MEI4: variants seen among roughly 807,000 people sequenced by gnomAD.
The protein encoded by MEI4 is meiosis-specific protein MEI4.
A neutral mutation model predicts 31.4 loss-of-function variants in MEI4; 27 were observed. The ratio of observed to expected loss-of-function variants is 0.86; its 90% confidence interval spans 0.63 to 1.19. The LOEUF (loss-of-function observed/expected upper bound fraction) is 1.19. MEI4 is among the 50% of genes most tolerant of loss of function. The pLI is 0.00. For missense variants in MEI4, 329 were observed against 398.9 expected (o/e 0.82, Z 1.49); for synonymous variants, 122 against 145.4 (o/e 0.84, Z 1.16).
At chr6:77,916,919 C>T (rs193212561) in intron 4 of MEI4, among the ~76,000 whole-genome samples, 6 of 150,594 alleles carry the variant, frequency 4.0e-5, no homozygotes, top group Non-Finnish European at 8.9e-5. Context: ...TCCCTCCCCC[C>T]CTACCCCCAC....
intron 3 of MEI4, among the ~76,000 whole-genome samples, chr6:77,794,660 A>G (rs1255072663): frequency 6.6e-6 from 1 of 152,176 alleles, no homozygotes; most frequent in Non-Finnish European, 1.5e-5. Flanking sequence ...CAATAATAGT[A>G]AGGGGCATCA....
At chr6:77,866,366 G>A (rs534381679) in intron 4 of MEI4, among the ~76,000 whole-genome samples, 11 of 152,160 alleles carry the variant, frequency 7.2e-5, no homozygotes, top group African/African-American at 1.2e-4. Flanking sequence ...TAAGCTGATA[G>A]GCAACTTCAG....
intron 3 of MEI4, among the ~76,000 whole-genome samples, chr6:77,794,988 A>T (rs984478248): frequency 3.9e-5 from 6 of 152,214 alleles, no homozygotes; most frequent in South Asian, 4.1e-4. Flanking sequence ...TGAATAAAAG[A>T]AGAAATAAAA....
chr6:77,888,737 T>C (rs1771684350), intron 4 of MEI4, among the ~76,000 whole-genome samples: 1 of 152,188 alleles, frequency 6.6e-6, no homozygotes, highest in Non-Finnish European at 1.5e-5. Flanking sequence ...TGAGATTTGA[T>C]ACTAATATGG....
In MEI4 at chr6:77,923,539, C is replaced by T. The variant is rs1766762639; in HGVS notation, c.*193C>T. On this transcript the variant is annotated 3_prime_UTR_variant, in exon 5 of 5. Coordinates refer to ENST00000684080, the MANE Select transcript of MEI4 (RefSeq NM_001322247.2). ...ATGAGTCATATTTCTATACTAAAATCAGCCAGTTTCGGTTGGTAATGCCAT... is the reference window on the plus strand; with the variant it reads ...ATGAGTCATATTTCTATACTAAAATTAGCCAGTTTCGGTTGGTAATGCCAT... The T allele has an allele frequency of 2.2e-6, 1 of 444,968 alleles. No individual in the cohort carries two copies. Among genetic ancestry groups the T allele is most frequent in the Non-Finnish European group, 3.5e-6 (1 of 283,444 alleles). 27.6% of individuals were successfully genotyped at this position (444,968 alleles called of 1,614,324 possible).
chr6:77,870,927 G>T (rs1771175159), intron 4 of MEI4, among the ~76,000 whole-genome samples: 1 of 152,100 alleles, frequency 6.6e-6, no homozygotes. Context: ...TGTAGGTTTG[G>T]TTTGAGGGAG....
At chr6:77,657,663 T>G (rs561989908) in intron 1 of MEI4, among the ~76,000 whole-genome samples, 1 of 152,218 alleles carries the variant, frequency 6.6e-6, no homozygotes, top group South Asian at 2.1e-4. Flanking sequence ...CTTTAAGAAG[T>G]CAAGACCCCT....
chr6:77,743,311 T>A (rs1381622542), intron 2 of MEI4, among the ~76,000 whole-genome samples: 3 of 152,172 alleles, frequency 2.0e-5, no homozygotes, highest in African/African-American at 7.2e-5. Context: ...CAGTGGTTTG[T>A]AGTTCTCCTT....
At chr6:77,685,410 A>G (rs483965) in intron 1 of MEI4, among the ~76,000 whole-genome samples, 38,286 of 149,380 alleles carry the variant, frequency 0.26, 6,185 homozygotes, top group African/African-American at 0.45. Flanking sequence ...GGGACTTGCT[A>G]TTGAGTTTTT....
chr6:77,823,152 T>C (rs1054380699), intron 3 of MEI4, among the ~76,000 whole-genome samples: 1 of 152,108 alleles, frequency 6.6e-6, no homozygotes, highest in African/African-American at 2.4e-5. Context: ...TCTTAACACA[T>C]TTAATTATTT....
chr6:77,917,678 G>A (rs1246678391), intron 4 of MEI4, among the ~76,000 whole-genome samples: 1 of 122,628 alleles, frequency 8.2e-6, no homozygotes, highest in African/African-American at 3.4e-5. Flanking sequence ...CCCTTTGTCA[G>A]ATGAGTAGGT....
At chr6:77,775,111 A>G (rs1311602461) in intron 3 of MEI4, among the ~76,000 whole-genome samples, 2 of 150,630 alleles carry the variant, frequency 1.3e-5, no homozygotes, top group Admixed American at 1.3e-4. Context: ...GACGGCATTT[A>G]GGGACCTCCT....
intron 2 of MEI4, among the ~76,000 whole-genome samples, chr6:77,738,704 C>T (rs1256453998): frequency 6.6e-6 from 1 of 152,130 alleles, no homozygotes; most frequent in African/African-American, 2.4e-5. Flanking sequence ...TTTACACTTC[C>T]ACCAACACTG....
chr6:77,698,715 T>G (rs1053834241), intron 2 of MEI4, among the ~76,000 whole-genome samples: 2 of 152,220 alleles, frequency 1.3e-5, no homozygotes, highest in African/African-American at 2.4e-5. Flanking sequence ...TTCCTTCATT[T>G]CAACTTTGGT....
At chr6:77,781,122 T>C (rs1768586840) in intron 3 of MEI4, among the ~76,000 whole-genome samples, 1 of 152,086 alleles carries the variant, frequency 6.6e-6, no homozygotes, top group African/African-American at 2.4e-5. Context: ...GTTCTTGAAC[T>C]CCTGGCTTCA....
intron 2 of MEI4, among the ~76,000 whole-genome samples, chr6:77,724,983 G>A (rs1766789352): frequency 7.1e-6 from 1 of 140,686 alleles, no homozygotes; most frequent in South Asian, 2.2e-4. Flanking sequence ...TGTTTGAAAT[G>A]GTTCTAAAGC....
chr6:77,803,757 G>T (rs1395956243), intron 3 of MEI4, among the ~76,000 whole-genome samples: 1 of 152,136 alleles, frequency 6.6e-6, no homozygotes, highest in Non-Finnish European at 1.5e-5. Flanking sequence ...TGTTTGCCTG[G>T]GTATCAGCAG....
intron 4 of MEI4, among the ~76,000 whole-genome samples, chr6:77,864,376 A>T (rs1361175272): frequency 6.6e-6 from 1 of 152,286 alleles, no homozygotes; most frequent in South Asian, 2.1e-4. Context: ...AAATAAAGGG[A>T]TGGAGGAAGA....
intron 3 of MEI4, among the ~76,000 whole-genome samples, chr6:77,799,969 G>T (rs1769201491): frequency 6.6e-6 from 1 of 152,116 alleles, no homozygotes; most frequent in Admixed American, 6.6e-5. Context: ...GATTTACTTG[G>T]CAATGGGGGC....
Sources: gnomAD v4.1 joint callset for allele counts (sites outside exome capture counted in the v4.1 genomes callset) on GRCh38, gnomAD v4.1.1 for gene constraint, MANE v1.5 for transcripts, NCBI Gene and HGNC (gene_info 2026-07-23, HGNC 2026-07-21) for gene names.